The following ADCY10 variants were observed in gnomAD, a reference collection of about 807,000 sequenced individuals.
ADCY10 encodes adenylate cyclase 10.
A neutral mutation model predicts 183.3 loss-of-function variants in ADCY10; 156 were observed. The ratio of observed to expected loss-of-function variants is 0.85; its 90% CI spans 0.75 to 0.97. The LOEUF is 0.97. Ranked by LOEUF, ADCY10 falls within the 50% of genes least tolerant of loss-of-function variation. The pLI, the probability that ADCY10 is intolerant of heterozygous loss-of-function variation, is 0.00. For missense variants in ADCY10, 1,745 were observed against 1,934.3 expected, an observed-to-expected ratio of 0.90 and a Z score of 1.84; for synonymous variants, 645 against 670.0, an observed-to-expected ratio of 0.96 and a Z score of 0.58.
intron 1 of ADCY10, among the ~76,000 whole-genome samples, chr1:167,907,129 G>C (rs1669872955): frequency 1.3e-5 from 2 of 152,268 alleles, no homozygotes; most frequent in South Asian, 4.1e-4. Flanking sequence ...GATACTGAAA[G>C]AACTGACAGG....
intron 21 of ADCY10, among the ~76,000 whole-genome samples, chr1:167,842,861 T>C (rs1664754195): frequency 3.3e-5 from 5 of 152,194 alleles, no homozygotes; most frequent in Admixed American, 3.3e-4. Flanking sequence ...AATGTTAATA[T>C]ACCATTTAGT....
intron 31 of ADCY10, among the ~76,000 whole-genome samples, chr1:167,815,646 A>G (rs1372349945): frequency 1.3e-5 from 2 of 152,244 alleles, no homozygotes; most frequent in Non-Finnish European, 2.9e-5. Context: ...AAGAAAAATT[A>G]CAAGGCATAC....
At position 167,812,367 on chromosome 1, in the gene ADCY10, A is replaced by C. The variant is rs34392882; in HGVS notation, c.4483-1454T>G. ...CTAGGACATTCAAAAGCAACTGCCT[A>C]TAAAAGGAAAATTAGAAAGTGACTG... is the stretch of plus-strand genomic sequence containing the variant. On this transcript the variant is annotated intron_variant, in intron 31 of 32. Transcript: ENST00000367851. Among the ~76,000 whole-genome samples the C allele has an allele frequency of 7.6e-4, 116 of 152,340 alleles. 1 individual carries two copies. Among genetic ancestry groups the C allele is most frequent in the Non-Finnish European group, 1.1e-3 (77 of 68,028 alleles).
chr1:167,836,157 T>A, intron 23 of ADCY10, 152 bp downstream of exon 23: 1 of 687,752 alleles, frequency 1.5e-6, no homozygotes, highest in South Asian at 1.6e-5. Flanking sequence ...CTTAGATCAT[T>A]TCCCTTCTAA....
chr1:167,823,298 G>A (rs369321703), intron 28 of ADCY10, among the ~76,000 whole-genome samples, 175 bp from the exon 29 acceptor site: 100 of 151,904 alleles, frequency 6.6e-4, no homozygotes, highest in Middle Eastern at 3.4e-3. Flanking sequence ...GGTGGCGGGC[G>A]CCTGTAATCC....
chr1:167,858,591 G>T (rs928705525), intron 16 of ADCY10, among the ~76,000 whole-genome samples: 7 of 151,280 alleles, frequency 4.6e-5, no homozygotes, highest in Non-Finnish European at 7.4e-5. Flanking sequence ...TGCCATAATA[G>T]TATAGAGTGT....
intron 17 of ADCY10, 128 bp from the exon 18 acceptor site, chr1:167,854,617 G>A: frequency 8.3e-7 from 1 of 1,202,892 alleles, no homozygotes; most frequent in South Asian, 1.3e-5. Context: ...TTTGTTTTCA[G>A]TTTTGAGGCA....
At position 167,824,541 on chromosome 1, in the gene ADCY10, G is replaced by C. The variant is rs1663135185; in HGVS notation, c.3987C>G (p.Leu1329=). Residue 1329 remains leucine, a synonymous_variant, in exon 28 of 33, where the codon CTC becomes CTG. Coordinates refer to ENST00000367851, the MANE Select transcript of ADCY10 (RefSeq NM_018417.6). ...GSRALQMWAL[L]QNPNRHYQSL... The stretch of plus-strand genomic sequence containing the variant: ...ACTGATAATGTCGGTTGGGATTCTG[G>C]AGCAGTGCCCACATCTGAAGGGCTC... The C allele has an allele frequency of 1.2e-6, 2 of 1,614,184 alleles. No homozygotes were observed.
At chr1:167,889,437 A>G (rs1422003589) in intron 8 of ADCY10, among the ~76,000 whole-genome samples, 1 of 152,076 alleles carries the variant, frequency 6.6e-6, no homozygotes, top group East Asian at 1.9e-4. Context: ...CTTGATCATG[A>G]TGGATGATCT....
intron 15 of ADCY10, 25 bp downstream of exon 15, chr1:167,860,846 C>T: frequency 6.2e-7 from 1 of 1,604,386 alleles, no homozygotes; most frequent in South Asian, 1.1e-5. Context: ...GCTATTTGTG[C>T]AGAAGTATAA....
chr1:167,887,502 A>G (rs1426207109), intron 8 of ADCY10, among the ~76,000 whole-genome samples: 5 of 152,124 alleles, frequency 3.3e-5, no homozygotes, highest in African/African-American at 1.2e-4. Flanking sequence ...CAATGAGAAC[A>G]CTTAGACACA....
intron 26 of ADCY10, among the ~76,000 whole-genome samples, chr1:167,827,933 C>T (rs1462974135): frequency 3.3e-5 from 5 of 151,964 alleles, no homozygotes; most frequent in Admixed American, 2.6e-4. Context: ...AGGCTAGTCT[C>T]GAACTCCTGA....
rs1669469145 is a variant in ADCY10, at chr1:167,902,057, G to GAGAA, written c.254-7_254-4dup. The stretch of plus-strand genomic sequence containing the variant: ...GTCTCCTCCAAAAATCAACACTTCT[G>GAGAA]AGAAAAAAAAAAAAAATTAAATCAA... On this transcript the variant is annotated splice_polypyrimidine_tract_variant and splice_region_variant and intron_variant, in intron 3 of 32. Coordinates refer to ENST00000367851, the MANE Select transcript of ADCY10 (RefSeq NM_018417.6). 3 of 1,584,190 alleles carry GAGAA rather than the reference G, an allele frequency of 1.9e-6. No homozygotes were observed. The highest frequency in any genetic ancestry group is 2.6e-6 in the Non-Finnish European group (3 of 1,171,738).
At chr1:167,848,576 A>T in intron 18 of ADCY10, 87 bp from the exon 19 acceptor site, 8 of 1,411,716 alleles carry the variant, frequency 5.7e-6, no homozygotes, top group African/African-American at 1.4e-5. Context: ...GATGGATCTC[A>T]TATGAGGAAG....
chr1:167,883,475 A>G lies in ADCY10; in HGVS notation c.982T>C (p.Phe328Leu). ...YMHITSVLKI[F>L]QGQINKVFMF... ...AAGACTTTATTGATTTGGCCTTGGA[A>G]GATCTTCAGGACAGAAGTGATGTGC... The change falls in exon 9 of 33, where the codon TTC (phenylalanine) becomes CTC (leucine). Residue 328 changes from phenylalanine to leucine, a missense_variant. By Grantham distance (22) the Phe-to-Leu change is conservative. Transcript: ENST00000367851. The G allele has an allele frequency of 6.2e-7, 1 of 1,614,240 alleles. No individual in the cohort carries two copies. Among genetic ancestry groups the G allele is most frequent in the Non-Finnish European group, 8.5e-7 (1 of 1,180,038 alleles).
intron 7 of ADCY10, 56 bp downstream of exon 7, chr1:167,896,539 A>C: frequency 1.5e-6 from 2 of 1,368,736 alleles, no homozygotes; most frequent in Non-Finnish European, 2.1e-6. Context: ...GCATTGATAT[A>C]AGACCCTACT....
intron 14 of ADCY10, among the ~76,000 whole-genome samples, chr1:167,863,019 GA>G (rs1195917311): frequency 2.0e-5 from 3 of 152,154 alleles, no homozygotes; most frequent in African/African-American, 7.2e-5. Flanking sequence ...GTCTTCCAGG[GA>G]AAAATCCAAA....
At chr1:167,883,040 C>T (rs574041221) in intron 9 of ADCY10, among the ~76,000 whole-genome samples, 1 of 152,256 alleles carries the variant, frequency 6.6e-6, no homozygotes, top group East Asian at 1.9e-4. Context: ...GGTTAAATTT[C>T]TTTTTTTGTT....
At chr1:167,861,142 T>C in intron 14 of ADCY10, 79 bp from the exon 15 acceptor site, 7 of 1,197,770 alleles carry the variant, frequency 5.8e-6, no homozygotes, top group Non-Finnish European at 8.4e-6. Flanking sequence ...GAAGGAAAGC[T>C]CTGTCTTCTC....
Sources: allele counts gnomAD v4.1 joint callset (sites outside exome capture counted in the v4.1 genomes callset), GRCh38; gene constraint gnomAD v4.1.1; transcripts MANE v1.5; gene names NCBI Gene and HGNC (gene_info 2026-07-23, HGNC 2026-07-21).